The following GSAP variants were observed in gnomAD, a reference collection of about 807,000 sequenced individuals.
GSAP encodes the protein gamma-secretase-activating protein.
A neutral mutation model predicts 131.7 loss-of-function variants in GSAP; 118 were observed. The ratio of observed to expected loss-of-function variants is 0.90; its 90% CI spans 0.77 to 1.04. The LOEUF (loss-of-function observed/expected upper bound fraction) is 1.04. Ranked by LOEUF, GSAP falls within the 50% of genes least tolerant of loss-of-function variation. GSAP has a pLI of 0.00. For missense variants in GSAP, 1,019 were observed against 1,013.2 expected (o/e 1.01, Z -0.08); for synonymous variants, 381 against 363.4 (o/e 1.05, Z -0.55).
chr7:77,402,276 C>T (rs971474464), intron 3 of GSAP, among the ~76,000 whole-genome samples: 41 of 149,476 alleles, frequency 2.7e-4, no homozygotes, highest in Admixed American at 2.7e-4. Flanking sequence ...AGGCCGGGCA[C>T]GGTGGCTCAC....
intron 24 of GSAP, among the ~76,000 whole-genome samples, chr7:77,322,177 G>C (rs562706573): frequency 6.6e-6 from 1 of 152,342 alleles, no homozygotes; most frequent in East Asian, 1.9e-4. Flanking sequence ...CAGATCCTCA[G>C]TTTCTCTTTG....
chr7:77,313,407 T>G, intron 28 of GSAP, 81 bp downstream of exon 28: 1 of 742,216 alleles, frequency 1.3e-6, no homozygotes, highest in Admixed American at 2.4e-5. Flanking sequence ...CCAAAGCAAG[T>G]AAATGCTCTT....
chr7:77,366,232 AG>A (rs1233180063), intron 12 of GSAP, among the ~76,000 whole-genome samples: 1 of 152,074 alleles, frequency 6.6e-6, no homozygotes, highest in African/African-American at 2.4e-5. Context: ...GAAGCTCTTA[AG>A]TTTAATTCGA....
At chr7:77,380,651 G>A (rs1425976466) in intron 8 of GSAP, among the ~76,000 whole-genome samples, 5 of 151,702 alleles carry the variant, frequency 3.3e-5, no homozygotes, top group African/African-American at 7.3e-5. Context: ...GGGGGTAGGA[G>A]ATTAGTATTA....
At chr7:77,326,304 T>C (rs765467872) in intron 22 of GSAP, 31 bp from the exon 23 acceptor site, 1 of 1,534,556 alleles carries the variant, frequency 6.5e-7, no homozygotes, top group South Asian at 1.1e-5. Flanking sequence ...AGTTAGGCTC[T>C]GAGCAGTTTT....
intron 26 of GSAP, among the ~76,000 whole-genome samples, chr7:77,316,811 C>G (rs749585272): frequency 4.6e-5 from 7 of 152,192 alleles, no homozygotes; most frequent in Non-Finnish European, 5.9e-5. Context: ...AATTAGTCAT[C>G]AGCTCCACCC....
intron 19 of GSAP, among the ~76,000 whole-genome samples, chr7:77,342,310 G>T (rs1279865909): frequency 6.6e-6 from 1 of 152,132 alleles, no homozygotes; most frequent in Non-Finnish European, 1.5e-5. Context: ...TCAAGGGCCT[G>T]TTTCCCTTGC....
At chr7:77,354,341 C>A (rs577655389) in intron 16 of GSAP, among the ~76,000 whole-genome samples, 10 of 152,248 alleles carry the variant, frequency 6.6e-5, no homozygotes, top group Non-Finnish European at 1.5e-5. Context: ...CAGAGAGTGT[C>A]ATTGGGTCAG....
Position 77,354,166 on chromosome 7 carries a change from T to C in GSAP, c.1339-525A>G, listed in dbSNP as rs181694408. Among the ~76,000 whole-genome samples, 642 of 152,290 alleles carry C rather than the reference T, an allele frequency of 4.2e-3. 2 individuals are homozygous for C. The highest frequency in any genetic ancestry group is 6.8e-3 in the Non-Finnish European group (463 of 68,022). ...ATCCTCACCTGCTAGAGGAATGTTT[T>C]CCATCTCAGCACTGACAGATATTAT... On this transcript the variant is annotated intron_variant, in intron 16 of 30. Transcript: ENST00000257626.
intron 14 of GSAP, among the ~76,000 whole-genome samples, chr7:77,357,409 C>T (rs1793913397): frequency 6.6e-6 from 1 of 152,012 alleles, no homozygotes; most frequent in Non-Finnish European, 1.5e-5. Context: ...TCCAGGTAGA[C>T]ACAGGTAGGC....
chr7:77,413,166 G>T (rs1390526990), intron 1 of GSAP, among the ~76,000 whole-genome samples: 1 of 152,214 alleles, frequency 6.6e-6, no homozygotes, highest in Non-Finnish European at 1.5e-5. Flanking sequence ...TTAAGAGGAA[G>T]GAGAAGGAAG....
chr7:77,351,480 A>C, intron 18 of GSAP: 1 of 975,590 alleles, frequency 1.0e-6, no homozygotes, highest in Non-Finnish European at 1.2e-6. Flanking sequence ...CATCACAGCT[A>C]ATGATAAGCA....
At chr7:77,370,579 T>C (rs1795973366) in intron 12 of GSAP, among the ~76,000 whole-genome samples, 1 of 152,190 alleles carries the variant, frequency 6.6e-6, no homozygotes, top group Non-Finnish European at 1.5e-5. Flanking sequence ...CCAGTTATCC[T>C]CTCTGCTATG....
rs766464521 is a variant in GSAP at position 77,381,339 on chromosome 7, C to T, written c.542G>A (p.Arg181His). ...ISEEKYIEQFRIHVAQEDGNR... is the reference protein window; with the variant it reads ...ISEEKYIEQFHIHVAQEDGNR... ...TCCATCTTCTTGGGCGACATGGATA[C>T]GAAATTGTTCAATATCTTTAAAAGA... The change falls in exon 8 of 31, where the codon CGT becomes CAT. Residue 181 changes from arginine to histidine, a missense_variant. Physicochemically the swap from Arg to His is conservative, Grantham distance 29. Coordinates refer to ENST00000257626, the MANE Select transcript of GSAP (RefSeq NM_017439.4). The T allele has an allele frequency of 2.7e-5, 42 of 1,536,296 alleles. No homozygotes were observed. In the East Asian group the frequency reaches 6.0e-4, roughly 22 times the overall value.
intron 8 of GSAP, among the ~76,000 whole-genome samples, chr7:77,381,019 C>T (rs571932766): frequency 1.2e-3 from 190 of 152,306 alleles, no homozygotes; most frequent in Non-Finnish European, 2.1e-3. Context: ...GTGCATCTAA[C>T]CTTGCATAGG....
At chr7:77,326,324 G>T in intron 22 of GSAP, 51 bp from the exon 23 acceptor site, 1 of 1,234,976 alleles carries the variant, frequency 8.1e-7, no homozygotes, top group Non-Finnish European at 1.2e-6. Context: ...TCAGGAGATG[G>T]GTTAGAAGGA....
intron 1 of GSAP, among the ~76,000 whole-genome samples, chr7:77,406,561 G>C (rs991033220): frequency 5.3e-5 from 8 of 152,174 alleles, no homozygotes; most frequent in African/African-American, 1.9e-4. Context: ...AGGTGTCTGA[G>C]TACTCAATTA....
chr7:77,404,662 G>A, intron 2 of GSAP, 47 bp from the exon 3 acceptor site: 1 of 1,091,140 alleles, frequency 9.2e-7, no homozygotes, highest in Non-Finnish European at 1.4e-6. Flanking sequence ...TGTTTAGGAA[G>A]TTAGAATGTT....
intron 1 of GSAP, among the ~76,000 whole-genome samples, chr7:77,413,205 G>C (rs1054028055): frequency 1.3e-5 from 2 of 152,226 alleles, no homozygotes; most frequent in Non-Finnish European, 2.9e-5. Flanking sequence ...AAGTCCAGTA[G>C]CAACGCAGGC....
Sources: gnomAD v4.1 joint callset for allele counts (sites outside exome capture counted in the v4.1 genomes callset) on GRCh38, gnomAD v4.1.1 for gene constraint, MANE v1.5 for transcripts, NCBI Gene and HGNC (gene_info 2026-07-23, HGNC 2026-07-21) for gene names.